Variants in EPS15L1 observed in about 807,000 individuals in gnomAD.
EPS15L1 encodes the protein epidermal growth factor receptor substrate 15-like 1.
In EPS15L1, 43 loss-of-function variants were observed where a neutral mutation model predicts 117.1. The ratio of observed to expected loss-of-function variants is 0.37; its 90% CI spans 0.29 to 0.47. The LOEUF is 0.47. Among genes scored for constraint, EPS15L1 ranks in the 20% least tolerant of loss-of-function variants. The pLI is 0.99. For missense variants in EPS15L1, 981 were observed against 1,164.0 expected (o/e 0.84, Z 2.29); for synonymous variants, 459 against 470.5 (o/e 0.98, Z 0.32).
intron 20 of EPS15L1, 129 bp from the exon 21 acceptor site, chr19:16,385,340 G>T: frequency 1.3e-6 from 1 of 756,260 alleles, no homozygotes; most frequent in South Asian, 1.6e-5. Flanking sequence ...CATTAGACAC[G>T]TGTGTCTGCA....
chr19:16,422,414 CTTTT>C (rs57143961), intron 9 of EPS15L1, among the ~76,000 whole-genome samples: 1 of 151,328 alleles, frequency 6.6e-6, no homozygotes, highest in Non-Finnish European at 1.5e-5. Flanking sequence ...TTCCTCTTCC[CTTTT>C]TTTTTAAATA....
Position 16,369,676 on chromosome 19 carries a change from AGTGTGT to A in EPS15L1, c.2380+7440_2380+7445del, listed in dbSNP as rs10543332. 3.2e-4 allele frequency among the ~76,000 whole-genome samples: 47 copies of A among 146,136 alleles called. 1 individual carries two copies. Among genetic ancestry groups the A allele is most frequent in the South Asian group, 1.1e-3 (5 of 4,574 alleles). On this transcript the variant is annotated intron_variant, in intron 22 of 23. Coordinates refer to ENST00000455140, the MANE Select transcript of EPS15L1 (RefSeq NM_001258374.3). ...CTGCACCAGCCCTGGAAGAAAAAAAAGTGTGTGTGTGTGTGTGTGTGTGTGTGTGTG... is the reference window on the plus strand; with the variant it reads ...CTGCACCAGCCCTGGAAGAAAAAAAAGTGTGTGTGTGTGTGTGTGTGTGTG...
At chr19:16,389,821 T>C (rs1401014195) in intron 19 of EPS15L1, among the ~76,000 whole-genome samples, 2 of 152,074 alleles carry the variant, frequency 1.3e-5, no homozygotes, top group African/African-American at 4.8e-5. Context: ...AATACTAACC[T>C]CAAGTAGACT....
intron 19 of EPS15L1, among the ~76,000 whole-genome samples, chr19:16,388,624 G>A (rs574819317): frequency 6.6e-6 from 1 of 152,098 alleles, no homozygotes; most frequent in Non-Finnish European, 1.5e-5. Context: ...TCAGAAGATC[G>A]AGACCATCCT....
At position 16,383,941 on chromosome 19, in the gene EPS15L1, G is replaced by C. The variant is rs2092391340; in HGVS notation, c.2247+1188C>G. 2.6e-5 allele frequency: 4 copies of C among 152,390 alleles called. No homozygotes were observed. Among genetic ancestry groups the C allele is most frequent in the South Asian group, 2.1e-4 (1 of 4,840 alleles). The allele number at this position is 152,390 out of a possible 1,614,324, so 9.4% of individuals were successfully genotyped here. Reference sequence around the variant, plus strand: ...CATGCCTGGGGCACGCGTCTTCCAGGTACTCCCGGGGCTCCCTCCCCTCAC... The same window carrying C: ...CATGCCTGGGGCACGCGTCTTCCAGCTACTCCCGGGGCTCCCTCCCCTCAC... On this transcript the variant is annotated intron_variant, in intron 21 of 23. Transcript: ENST00000455140. This position sits in a 1 kb window ranked among gnomAD's most constrained non-coding sequence, Gnocchi z 5.2.
intron 1 of EPS15L1, among the ~76,000 whole-genome samples, chr19:16,451,633 A>G (rs1347175876): frequency 6.6e-6 from 1 of 151,608 alleles, no homozygotes; most frequent in Non-Finnish European, 1.5e-5. Context: ...GGTTCACGCC[A>G]TTCTCCTGCC....
At chr19:16,401,744 G>T (rs2092603605) in intron 16 of EPS15L1, 1 of 985,266 alleles carries the variant, frequency 1.0e-6, no homozygotes, top group Non-Finnish European at 1.2e-6. Context: ...ACAACTCCAG[G>T]GTCATGAGGT....
intron 6 of EPS15L1, among the ~76,000 whole-genome samples, chr19:16,436,358 G>C (rs543098056): frequency 9.2e-5 from 14 of 152,308 alleles, no homozygotes; most frequent in African/African-American, 3.1e-4. Context: ...TCTGTACTTA[G>C]AAGACAGCCC....
In EPS15L1 at chr19:16,408,730, A is replaced by C. The variant is rs1487054455; in HGVS notation, c.1267-3981T>G. 3.3e-5 allele frequency among the ~76,000 whole-genome samples: 5 copies of C among 152,250 alleles called. No individual in the cohort carries two copies. In the East Asian group the frequency reaches 9.7e-4, roughly 29 times the overall value. ...ATGACAACCCTGACAGAGAAGAAAAAGATGGAGGATGCCCATTTCCTGATT... is the reference window on the plus strand; with the variant it reads ...ATGACAACCCTGACAGAGAAGAAAACGATGGAGGATGCCCATTTCCTGATT... On this transcript the variant is annotated intron_variant, in intron 13 of 23. Transcript: ENST00000455140.
intron 16 of EPS15L1, among the ~76,000 whole-genome samples, chr19:16,398,852 C>A (rs1157934403): frequency 2.0e-5 from 3 of 152,132 alleles, no homozygotes; most frequent in African/African-American, 7.2e-5. Flanking sequence ...TTAGTGTAGA[C>A]ACCCAATCAG....
At chr19:16,462,060 A>T (rs1264492806) in intron 1 of EPS15L1, among the ~76,000 whole-genome samples, 2 of 152,182 alleles carry the variant, frequency 1.3e-5, no homozygotes, top group African/African-American at 4.8e-5. Flanking sequence ...ATGGTGTGGC[A>T]ATCATAGGAC....
chr19:16,399,599 C>T (rs1324715442), intron 16 of EPS15L1, among the ~76,000 whole-genome samples: 4 of 152,092 alleles, frequency 2.6e-5, no homozygotes, highest in African/African-American at 9.7e-5. Context: ...CTGCCAATTC[C>T]TGTGGTGTAA....
chr19:16,377,555 G>A (rs911521096), intron 21 of EPS15L1, among the ~76,000 whole-genome samples: 3 of 152,332 alleles, frequency 2.0e-5, no homozygotes, highest in African/African-American at 7.2e-5. Context: ...GAGGCACACT[G>A]GGTCTTTCCT....
intron 13 of EPS15L1, among the ~76,000 whole-genome samples, chr19:16,406,557 G>A (rs985303729): frequency 6.6e-6 from 1 of 152,182 alleles, no homozygotes; most frequent in African/African-American, 2.4e-5. Context: ...CCCCATCACC[G>A]GGTAACGCTG....
At chr19:16,431,249 CT>C (rs1239450231) in intron 7 of EPS15L1, among the ~76,000 whole-genome samples, 3 of 144,166 alleles carry the variant, frequency 2.1e-5, no homozygotes, top group African/African-American at 5.1e-5. Context: ...AAAAAAAAAA[CT>C]TTTTTTTAAT....
At chr19:16,368,354 T>C (rs562126920) in intron 22 of EPS15L1, among the ~76,000 whole-genome samples, 4 of 152,210 alleles carry the variant, frequency 2.6e-5, no homozygotes, top group South Asian at 2.1e-4. Context: ...ACAAGCATCA[T>C]TGATCCTACA....
intron 19 of EPS15L1, among the ~76,000 whole-genome samples, chr19:16,390,977 A>G (rs1206680874): frequency 8.5e-5 from 13 of 152,156 alleles, no homozygotes; most frequent in Non-Finnish European, 4.4e-5. Flanking sequence ...ATCCCAATAA[A>G]CCCATCACAA....
intron 19 of EPS15L1, among the ~76,000 whole-genome samples, chr19:16,388,986 T>A (rs542038632): frequency 6.6e-6 from 1 of 152,188 alleles, no homozygotes; most frequent in African/African-American, 2.4e-5. Context: ...CAGTGGCTCA[T>A]GCCTGTAATT....
intron 22 of EPS15L1, among the ~76,000 whole-genome samples, chr19:16,369,047 C>G (rs753847449): frequency 5.9e-5 from 9 of 152,242 alleles, no homozygotes; most frequent in African/African-American, 2.2e-4. Flanking sequence ...TTCTAAAATT[C>G]ATCACTGCTC....
Sources: allele counts gnomAD v4.1 joint callset (sites outside exome capture counted in the v4.1 genomes callset), GRCh38; gene constraint gnomAD v4.1.1; non-coding constraint Gnocchi (gnomAD v3.1); transcripts MANE v1.5; gene names NCBI Gene and HGNC (gene_info 2026-07-23, HGNC 2026-07-21).